APBB1IP: variants seen among roughly 807,000 people sequenced by gnomAD.
The protein encoded by APBB1IP is amyloid beta precursor protein binding family B member 1 interacting protein.
A neutral mutation model predicts 64.9 loss-of-function variants in APBB1IP; 27 were observed. The observed-to-expected ratio is 0.42, with a 90% CI of 0.31 to 0.57. The LOEUF (loss-of-function observed/expected upper bound fraction) is 0.57, where lower values mean the gene tolerates loss of function less well. APBB1IP is among the 20% of genes least tolerant of loss of function. APBB1IP has a pLI of 0.20. For missense variants in APBB1IP, 812 were observed against 845.5 expected, an observed-to-expected ratio of 0.96 and a Z score of 0.49; for synonymous variants, 392 against 331.0, an observed-to-expected ratio of 1.18 and a Z score of -2.00.
At chr10:26,562,820 A>G (rs1444279333) in intron 14 of APBB1IP, among the ~76,000 whole-genome samples, 2 of 152,212 alleles carry the variant, frequency 1.3e-5, no homozygotes, top group East Asian at 3.9e-4. Flanking sequence ...AAATAAATAA[A>G]TAAATAGAAA....
chr10:26,507,750 T>C (rs573477262), intron 6 of APBB1IP, among the ~76,000 whole-genome samples: 2 of 152,340 alleles, frequency 1.3e-5, no homozygotes, highest in Admixed American at 6.5e-5. Flanking sequence ...GTATAAAATA[T>C]ATTGTTTATG....
rs773865994 is a variant in APBB1IP, at chr10:26,560,105, C to T, written c.1156C>T (p.His386Tyr). Reference protein sequence around the residue: ...APTDYCFVLKHPQIQKESQYI... With the variant: ...APTDYCFVLKYPQIQKESQYI... Reference sequence around the variant, plus strand: ...TTGTCTCGAAACTGCTTCTTTCTAGCACCCCCAAATTCAGAAGGAGTCCCA... The same window carrying T: ...TTGTCTCGAAACTGCTTCTTTCTAGTACCCCCAAATTCAGAAGGAGTCCCA... The change falls in exon 12 of 15, where the codon CAC becomes TAC. Residue 386 changes from histidine (H) to tyrosine (Y), a missense_variant and splice_region_variant. Coordinates refer to ENST00000376236, the MANE Select transcript of APBB1IP (RefSeq NM_019043.4). The T allele has an allele frequency of 1.9e-6, 3 of 1,613,800 alleles. No homozygotes were observed. The highest frequency in any genetic ancestry group is 2.5e-6 in the Non-Finnish European group (3 of 1,179,712).
intron 8 of APBB1IP, among the ~76,000 whole-genome samples, chr10:26,532,716 C>T (rs1350618688): frequency 6.6e-6 from 1 of 152,072 alleles, no homozygotes; most frequent in African/African-American, 2.4e-5. Flanking sequence ...TCTCAGACTC[C>T]AGGGTTCAAA....
intron 11 of APBB1IP, among the ~76,000 whole-genome samples, chr10:26,545,481 C>G (rs1484393070): frequency 1.3e-5 from 2 of 152,158 alleles, no homozygotes; most frequent in Non-Finnish European, 2.9e-5. Flanking sequence ...AAAAATTAGG[C>G]CGGGCGCGGT....
chr10:26,509,598 C>T (rs1836226987), intron 6 of APBB1IP: 1 of 152,202 alleles, frequency 6.6e-6, no homozygotes, highest in Non-Finnish European at 1.5e-5. Context: ...TACAGCCAGC[C>T]ATACAACCCT....
intron 11 of APBB1IP, among the ~76,000 whole-genome samples, chr10:26,543,898 G>A (rs1270882113): frequency 6.6e-6 from 1 of 152,236 alleles, no homozygotes; most frequent in African/African-American, 2.4e-5. Flanking sequence ...TTGTTCCGAA[G>A]GAAGAGAGAT....
Position 26,443,743 on chromosome 10 carries a change from C to T in APBB1IP, c.-1+4890C>T, listed in dbSNP as rs1835362319. Among the ~76,000 whole-genome samples, 2 of 151,940 alleles carry T rather than the reference C, an allele frequency of 1.3e-5. 1 individual carries two copies. Among genetic ancestry groups the T allele is most frequent in the South Asian group, 4.2e-4 (2 of 4,816 alleles). On this transcript the variant is annotated intron_variant, in intron 2 of 14. Coordinates refer to ENST00000376236, the MANE Select transcript of APBB1IP (RefSeq NM_019043.4). The stretch of plus-strand genomic sequence containing the variant: ...GTAGAGACAGGGTCTCATTTTGTTG[C>T]CCAGGCTGGTCTCGACCTCCTGGGC...
At chr10:26,552,642 A>G (rs1564376743) in intron 11 of APBB1IP, among the ~76,000 whole-genome samples, 1 of 152,074 alleles carries the variant, frequency 6.6e-6, no homozygotes, top group Admixed American at 6.5e-5. Flanking sequence ...AAGAAAAAAA[A>G]AAGGAAGGAT....
Position 26,530,682 on chromosome 10 carries a change from C to T in APBB1IP, c.814-2757C>T, listed in dbSNP as rs527432358. On this transcript the variant is annotated intron_variant, in intron 8 of 14. Transcript: ENST00000376236. ...TCCACCCTGGCGACAGAGCAAGACT[C>T]TGTCTCAAAAAAAAAAAAAATTATT... Among the ~76,000 whole-genome samples, 949 of 117,256 alleles carry T rather than the reference C, an allele frequency of 8.1e-3. 17 individuals are homozygous for T. The highest frequency in any genetic ancestry group is 0.069 in the South Asian group (263 of 3,806). The allele number at this position is 117,256 out of a possible 152,430, so 76.9% of individuals were successfully genotyped here.
intron 11 of APBB1IP, among the ~76,000 whole-genome samples, chr10:26,549,672 A>T (rs531509622): frequency 6.6e-6 from 1 of 151,580 alleles, no homozygotes; most frequent in African/African-American, 2.4e-5. Flanking sequence ...CTTTCTTTTC[A>T]TCTTTCATTT....
chr10:26,558,434 C>G (rs1475883505), intron 11 of APBB1IP, among the ~76,000 whole-genome samples: 1 of 152,068 alleles, frequency 6.6e-6, no homozygotes, highest in Non-Finnish European at 1.5e-5. Context: ...GTGAATAAGA[C>G]AGATGTAGTT....
intron 2 of APBB1IP, among the ~76,000 whole-genome samples, chr10:26,474,485 T>G (rs1835754089): frequency 6.6e-6 from 1 of 152,210 alleles, no homozygotes; most frequent in African/African-American, 2.4e-5. Flanking sequence ...CATCTTCCAG[T>G]TGATGTTGAA....
chr10:26,522,951 C>T (rs1019068286), intron 8 of APBB1IP, among the ~76,000 whole-genome samples: 1 of 146,052 alleles, frequency 6.8e-6, no homozygotes, highest in Non-Finnish European at 1.5e-5. Context: ...TTGCAGTGAG[C>T]CAACATCGTG....
At chr10:26,473,420 G>A (rs531400985) in intron 2 of APBB1IP, among the ~76,000 whole-genome samples, 3 of 152,318 alleles carry the variant, frequency 2.0e-5, no homozygotes, top group Non-Finnish European at 4.4e-5. Context: ...GTGAACAGCC[G>A]TCTTCTCTAA....
chr10:26,455,015 T>G (rs1461328008), intron 2 of APBB1IP, among the ~76,000 whole-genome samples: 7 of 152,232 alleles, frequency 4.6e-5, no homozygotes, highest in Admixed American at 4.6e-4. Context: ...ATTTCATTTT[T>G]GATGGCTGTC....
rs71401901 is a variant in APBB1IP, at chr10:26,516,543, C to CAAAAAAAAAAAA, written c.813+2890_813+2901dup. On this transcript the variant is annotated intron_variant, in intron 8 of 14. Coordinates refer to ENST00000376236, the MANE Select transcript of APBB1IP (RefSeq NM_019043.4). ...TGGGTGACAGAGCAAGACTCCATCT[C>CAAAAAAAAAAAA]AAAAAAAAAAAAAAAAAAGTAAAGC... is the stretch of plus-strand genomic sequence containing the variant. Among the ~76,000 whole-genome samples, 52 of 47,204 alleles carry CAAAAAAAAAAAA rather than the reference C, an allele frequency of 1.1e-3. 11 individuals are homozygous for CAAAAAAAAAAAA. Among genetic ancestry groups the CAAAAAAAAAAAA allele is most frequent in the East Asian group, 3.8e-3 (3 of 782 alleles). 31.0% of individuals were successfully genotyped at this position (47,204 alleles called of 152,430 possible).
At chr10:26,537,292 T>C (rs1836637553) in intron 10 of APBB1IP, among the ~76,000 whole-genome samples, 1 of 152,184 alleles carries the variant, frequency 6.6e-6, no homozygotes, top group African/African-American at 2.4e-5. Context: ...AATTTACCTC[T>C]GATAAAGCTT....
intron 8 of APBB1IP, among the ~76,000 whole-genome samples, chr10:26,525,872 T>G (rs138503745): frequency 6.7e-4 from 102 of 152,266 alleles, no homozygotes; most frequent in African/African-American, 2.4e-3. Flanking sequence ...TGAGGGAAAC[T>G]TGGCAAGGCC....
At position 26,567,117 on chromosome 10, in the gene APBB1IP, G is replaced by C. The variant is rs1160145780; in HGVS notation, c.1630G>C (p.Gly544Arg). 7.0e-7 allele frequency: 1 copy of C among 1,427,590 alleles called. No individual in the cohort carries two copies. The highest frequency in any genetic ancestry group is 1.5e-5 in the African/African-American group (1 of 65,902). The allele number at this position is 1,427,590 out of a possible 1,614,324, so 88.4% of individuals were successfully genotyped here. A position where few individuals can be genotyped will look rare whatever the true frequency, so the allele number is the denominator to read the frequency against. ...CCTCAAGGCCAAGGGCACAGGCGGC[G>C]GGGGCTTGCCCGCCCCACCCGACGA... Reference protein sequence around the residue: ...TPLKAKGTGGGGLPAPPDDFL... With the variant: ...TPLKAKGTGGRGLPAPPDDFL... The change falls in exon 15 of 15, where the codon GGG becomes CGG. Residue 544 changes from glycine to arginine, a missense_variant. Gly to Arg is a moderately radical substitution (Grantham distance 125). Coordinates refer to ENST00000376236, the MANE Select transcript of APBB1IP (RefSeq NM_019043.4).
Sources: allele counts gnomAD v4.1 joint callset (sites outside exome capture counted in the v4.1 genomes callset), GRCh38; gene constraint gnomAD v4.1.1; transcripts MANE v1.5; gene names NCBI Gene and HGNC (gene_info 2026-07-23, HGNC 2026-07-21).